Variants in ZBED4 observed in about 807,000 individuals in gnomAD.
The protein encoded by ZBED4 is zinc finger BED-type containing 4, also known as zinc finger BED domain-containing protein 4.
Under a neutral mutation model 15.5 loss-of-function variants are expected in ZBED4, and 4 were observed. The observed-to-expected ratio is 0.26, with a 90% CI of 0.13 to 0.59. The LOEUF is 0.59. Among genes scored for constraint, ZBED4 ranks in the 20% least tolerant of loss-of-function variants. The probability of loss-of-function intolerance (pLI) is 0.90; values close to 1 mark genes in which losing one functional copy is unlikely to be tolerated. For synonymous variants in ZBED4, 692 were observed against 608.5 expected, an observed-to-expected ratio of 1.14 and a Z score of -2.02; for missense variants, 1,323 against 1,461.8, an observed-to-expected ratio of 0.91 and a Z score of 1.55.
At chr22:49,854,805 A>G (rs2060267998) in intron 1 of ZBED4, among the ~76,000 whole-genome samples, 1 of 152,160 alleles carries the variant, frequency 6.6e-6, no homozygotes, top group South Asian at 2.1e-4. Flanking sequence ...GTGTTGGTCG[A>G]AAGGGAAGTT....
chr22:49,853,685 G>A (rs2060261064), upstream of ZBED4, among the ~76,000 whole-genome samples: 2 of 151,416 alleles, frequency 1.3e-5, no homozygotes, highest in South Asian at 4.1e-4. Context: ...GCCCGACCCC[G>A]CCCCAGCGGC....
chr22:49,879,548 T>C (rs796851667), intron 1 of ZBED4, among the ~76,000 whole-genome samples: 20 of 150,996 alleles, frequency 1.3e-4, no homozygotes, highest in African/African-American at 4.3e-4. Flanking sequence ...ATTTGTCTTA[T>C]GTCCGGGCCT....
chr22:49,871,270 C>T (rs973518515), intron 1 of ZBED4, among the ~76,000 whole-genome samples: 21 of 129,374 alleles, frequency 1.6e-4, no homozygotes, highest in Non-Finnish European at 3.0e-4. Flanking sequence ...AGGTGGATCA[C>T]GAGGTCAGGA....
Position 49,883,674 on chromosome 22 carries a change from C to T in ZBED4, c.12C>T (p.Asn4=), listed in dbSNP as rs145523886. 1.5e-5 allele frequency: 23 copies of T among 1,581,476 alleles called. No homozygotes were observed. In the Middle Eastern group the frequency reaches 1.2e-3, roughly 82 times the overall value. The change falls in exon 2 of 2, where the codon AAC becomes AAT. Residue 4 remains asparagine (N), a synonymous_variant. Transcript: ENST00000216268. MEN[N]LKTCPKEDGD... ...AGTTATGGTCAGTCATGGAGAATAA[C>T]TTGAAAACTTGTCCCAAAGAGGACG...
Position 49,886,556 on chromosome 22 carries a change from A to G in ZBED4, c.2894A>G (p.Asn965Ser). The stretch of plus-strand genomic sequence containing the variant: ...GTCATCCCCATGGTACACATCCTCA[A>G]CAGGAAGGTGGAGATGCTCTTCGAG... ...SQVIPMVHIL[N>S]RKVEMLFEET... Residue 965 changes from asparagine to serine, a missense_variant, in exon 2 of 2, where the codon AAC (asparagine) becomes AGC (serine). Physicochemically the swap from Asn to Ser is conservative, Grantham distance 46. This residue lies in a region of ZBED4 where 312 missense variants were observed against 410.7 expected (regional missense o/e 0.76). Transcript: ENST00000216268. This position sits in a 1 kb window ranked among gnomAD's most constrained non-coding sequence, Gnocchi z 7.7. The G allele has an allele frequency of 6.4e-7, 1 of 1,561,266 alleles. No individual in the cohort carries two copies. Among genetic ancestry groups the G allele is most frequent in the Non-Finnish European group, 8.7e-7 (1 of 1,152,562 alleles).
At chr22:49,872,717 T>C (rs2060354838) in intron 1 of ZBED4, among the ~76,000 whole-genome samples, 1 of 151,820 alleles carries the variant, frequency 6.6e-6, no homozygotes, top group South Asian at 2.1e-4. Flanking sequence ...TTTTTTTTTT[T>C]TTCCTGAGAT....
chr22:49,865,533 G>A (rs947016903), intron 1 of ZBED4, among the ~76,000 whole-genome samples: 1 of 152,010 alleles, frequency 6.6e-6, no homozygotes, highest in African/African-American at 2.4e-5. Flanking sequence ...TTAAAATACA[G>A]GTGTGGTGGC....
At chr22:49,854,673 T>G (rs1319549474) in intron 1 of ZBED4, among the ~76,000 whole-genome samples, 1 of 152,200 alleles carries the variant, frequency 6.6e-6, no homozygotes, top group Non-Finnish European at 1.5e-5. Context: ...GCTAAGAGAA[T>G]CGCAGCCCCT....
At chr22:49,853,352 T>C (rs1284395507), upstream of ZBED4, 1 of 151,814 alleles carries the variant, frequency 6.6e-6, no homozygotes, top group Non-Finnish European at 1.5e-5. Context: ...CCGATCGCCT[T>C]AGGGTCAACG....
At chr22:49,854,377 C>T (rs1184573358) in intron 1 of ZBED4, among the ~76,000 whole-genome samples, 2 of 152,032 alleles carry the variant, frequency 1.3e-5, no homozygotes, top group South Asian at 2.1e-4. Flanking sequence ...AGCCCCGTCC[C>T]TGGGACTTCT....
chr22:49,877,793 CTG>C, intron 1 of ZBED4, among the ~76,000 whole-genome samples: 1 of 152,240 alleles, frequency 6.6e-6, no homozygotes. Context: ...TCCCTCCTGA[CTG>C]TGTCTTCTGC....
chr22:49,878,599 T>TA (rs1327351590), intron 1 of ZBED4, among the ~76,000 whole-genome samples: 8 of 152,098 alleles, frequency 5.3e-5, no homozygotes, highest in Non-Finnish European at 8.8e-5. Flanking sequence ...ATATAAAACT[T>TA]AAAACTTCTA....
intron 1 of ZBED4, among the ~76,000 whole-genome samples, chr22:49,866,902 C>A (rs753307030): frequency 6.6e-6 from 1 of 152,180 alleles, no homozygotes. Context: ...GGCAAATGCA[C>A]GTTCTTACCT....
At chr22:49,855,214 CAAGTT>C in intron 1 of ZBED4, among the ~76,000 whole-genome samples, 1 of 152,102 alleles carries the variant, frequency 6.6e-6, no homozygotes, top group East Asian at 1.9e-4. Flanking sequence ...AGATCTAGCA[CAAGTT>C]AAGAGAGATT....
At chr22:49,868,957 C>CA (rs71196385) in intron 1 of ZBED4, among the ~76,000 whole-genome samples, 42 of 131,724 alleles carry the variant, frequency 3.2e-4, no homozygotes, top group Non-Finnish European at 3.9e-4. Context: ...ACTAAAAATA[C>CA]AAAAAAAAAA....
intron 1 of ZBED4, among the ~76,000 whole-genome samples, chr22:49,876,725 G>A (rs1193846561): frequency 2.6e-5 from 4 of 151,950 alleles, no homozygotes; most frequent in African/African-American, 4.8e-5. Context: ...GAAATCTCTC[G>A]TTTTCATGAT....
chr22:49,871,761 T>A (rs3033705), intron 1 of ZBED4, among the ~76,000 whole-genome samples: 9,509 of 40,748 alleles, frequency 0.23, 840 homozygotes, highest in African/African-American at 0.39. Flanking sequence ...TTATTTATTT[T>A]TTTTTTTTTT....
chr22:49,857,328 G>A (rs184994681), intron 1 of ZBED4, among the ~76,000 whole-genome samples: 59 of 152,338 alleles, frequency 3.9e-4, no homozygotes, highest in Non-Finnish European at 1.0e-4. Context: ...GGTACACGGC[G>A]AGGGTGCTGG....
Position 49,883,466 on chromosome 22 carries a change from AG to A in ZBED4, c.-196del, listed in dbSNP as rs2060419868. ...TTTAGTAGCAGGACTCTTGGAAAGC[AG>A]TGATCTATGCTGTAAGACCATGAGT... On this transcript the variant is annotated 5_prime_UTR_variant, in exon 2 of 2. It adds an upstream start codon to the 5' untranslated region. Coordinates refer to ENST00000216268, the MANE Select transcript of ZBED4 (RefSeq NM_014838.3). 1 of 661,704 alleles carries A rather than the reference AG, an allele frequency of 1.5e-6. No individual in the cohort carries two copies. The highest frequency in any genetic ancestry group is 3.3e-5 in the South Asian group (1 of 30,088). 41.0% of individuals were successfully genotyped at this position (661,704 alleles called of 1,614,324 possible).
Sources: allele counts gnomAD v4.1 joint callset (sites outside exome capture counted in the v4.1 genomes callset), GRCh38; gene constraint gnomAD v4.1.1; regional missense constraint gnomAD v4.1.1; non-coding constraint Gnocchi (gnomAD v3.1); transcripts MANE v1.5; gene names NCBI Gene and HGNC (gene_info 2026-07-23, HGNC 2026-07-21).